MYO5B: variants seen among roughly 807,000 people sequenced by gnomAD.
MYO5B encodes the protein unconventional myosin-Vb.
Under a neutral mutation model 229.3 loss-of-function variants are expected in MYO5B, and 143 were observed. That is an observed-to-expected ratio of 0.62 (90% CI 0.54 to 0.72). The LOEUF (loss-of-function observed/expected upper bound fraction) is 0.72. MYO5B is among the 30% of genes least tolerant of loss of function. The pLI is 0.00. For missense variants in MYO5B, 2,321 were observed against 2,331.0 expected (o/e 1.00, Z 0.09); for synonymous variants, 918 against 885.2 (o/e 1.04, Z -0.66).
intron 1 of MYO5B, among the ~76,000 whole-genome samples, chr18:50,067,005 GT>G (rs2030836844): frequency 6.6e-6 from 1 of 152,160 alleles, no homozygotes; most frequent in African/African-American, 2.4e-5. Context: ...TTCATGTCCA[GT>G]TGAAAACTGT....
chr18:50,121,579 G>A (rs2032058710), intron 1 of MYO5B, among the ~76,000 whole-genome samples: 1 of 149,500 alleles, frequency 6.7e-6, no homozygotes, highest in Admixed American at 6.7e-5. Context: ...TCAATTTACT[G>A]AGAATTAACT....
At chr18:50,032,914 G>C (rs941851439) in intron 4 of MYO5B, among the ~76,000 whole-genome samples, 2 of 152,082 alleles carry the variant, frequency 1.3e-5, no homozygotes, top group South Asian at 4.1e-4. Flanking sequence ...TTGAACGTGG[G>C]AGGTGGAGGT....
intron 22 of MYO5B, among the ~76,000 whole-genome samples, chr18:49,881,490 CAAAG>C (rs1448520980): frequency 2.0e-5 from 3 of 152,098 alleles, no homozygotes; most frequent in Non-Finnish European, 4.4e-5. Context: ...GTAGTCTACT[CAAAG>C]AGGAGTAAGA....
intron 1 of MYO5B, among the ~76,000 whole-genome samples, chr18:50,084,808 T>C (rs1171387877): frequency 1.3e-5 from 2 of 152,120 alleles, no homozygotes; most frequent in Non-Finnish European, 2.9e-5. Flanking sequence ...AAACAAGCAA[T>C]GGGGAAAGGA....
chr18:49,979,233 AAGC>A (rs572658175), intron 9 of MYO5B, among the ~76,000 whole-genome samples: 37 of 152,120 alleles, frequency 2.4e-4, no homozygotes, highest in Non-Finnish European at 1.2e-4. Flanking sequence ...ACAGGTATAT[AAGC>A]AGCAGATGTC....
intron 2 of MYO5B, among the ~76,000 whole-genome samples, chr18:50,048,596 T>G (rs901988764): frequency 1.6e-4 from 25 of 152,226 alleles, no homozygotes; most frequent in African/African-American, 6.0e-4. Flanking sequence ...TCGACAAAAG[T>G]AATCACAGGG....
intron 30 of MYO5B, among the ~76,000 whole-genome samples, chr18:49,855,812 C>A (rs2024255576): frequency 6.6e-6 from 1 of 152,172 alleles, no homozygotes; most frequent in Non-Finnish European, 1.5e-5. Flanking sequence ...GCTCTTGGTG[C>A]AACAGTACCT....
At chr18:49,943,427 T>C (rs2025338605) in intron 14 of MYO5B, among the ~76,000 whole-genome samples, 3 of 152,224 alleles carry the variant, frequency 2.0e-5, no homozygotes, top group Non-Finnish European at 2.9e-5. Flanking sequence ...TCTTTTTAGA[T>C]GGCAAGGTAA....
chr18:49,950,438 T>A (rs2144239172), intron 14 of MYO5B, among the ~76,000 whole-genome samples: 1 of 152,342 alleles, frequency 6.6e-6, no homozygotes, highest in South Asian at 2.1e-4. Flanking sequence ...TCTAAAATTT[T>A]ACCCAACAGA....
At chr18:50,147,683 C>T (rs553139604) in intron 1 of MYO5B, among the ~76,000 whole-genome samples, 2 of 152,284 alleles carry the variant, frequency 1.3e-5, no homozygotes, top group South Asian at 4.1e-4. Flanking sequence ...CAAGACCGTT[C>T]CTGAGCCTGG....
At chr18:50,160,521 G>A (rs758596982) in intron 1 of MYO5B, among the ~76,000 whole-genome samples, 73 of 152,290 alleles carry the variant, frequency 4.8e-4, no homozygotes, top group Non-Finnish European at 9.0e-4. Flanking sequence ...AAGGACTTCA[G>A]AAAAGGACAG....
intron 1 of MYO5B, among the ~76,000 whole-genome samples, chr18:50,073,127 C>G (rs932728081): frequency 5.3e-5 from 8 of 152,178 alleles, no homozygotes; most frequent in Non-Finnish European, 1.0e-4. Flanking sequence ...AGAAAGTATA[C>G]TTATAACGAT....
At chr18:50,149,545 T>A (rs1402116338) in intron 1 of MYO5B, among the ~76,000 whole-genome samples, 1 of 151,428 alleles carries the variant, frequency 6.6e-6, no homozygotes, top group African/African-American at 2.4e-5. Context: ...TCTACAACCA[T>A]CTGATCTTTG....
intron 30 of MYO5B, 90 bp from the exon 31 acceptor site, chr18:49,853,737 C>G: frequency 8.3e-7 from 1 of 1,210,820 alleles, no homozygotes; most frequent in Non-Finnish European, 1.2e-6. Context: ...GGGGAGCAGC[C>G]AAGCACACAG....
chr18:49,901,896 G>A (rs1423915102), intron 21 of MYO5B, among the ~76,000 whole-genome samples: 1 of 152,180 alleles, frequency 6.6e-6, no homozygotes, highest in Admixed American at 6.5e-5. Context: ...TGCCGTAGGA[G>A]GGCCGCTATA....
chr18:50,048,079 T>A (rs77154148), intron 2 of MYO5B, among the ~76,000 whole-genome samples: 25,476 of 57,754 alleles, frequency 0.44, 2,234 homozygotes, highest in South Asian at 0.54. Context: ...CCAAAACCTT[T>A]AAGTATAATA....
intron 12 of MYO5B, among the ~76,000 whole-genome samples, chr18:49,960,643 G>A (rs117190387): frequency 1.3e-5 from 2 of 152,290 alleles, no homozygotes; most frequent in East Asian, 1.9e-4. Context: ...AATTAAACCT[G>A]TTACAAAAAG....
At chr18:50,045,255 C>T (rs1052084392) in intron 2 of MYO5B, among the ~76,000 whole-genome samples, 4 of 152,144 alleles carry the variant, frequency 2.6e-5, no homozygotes, top group Non-Finnish European at 5.9e-5. Flanking sequence ...GGTTTTCTAT[C>T]ACTGTGGGAA....
At chr18:50,028,369 G>A (rs532750308) in intron 4 of MYO5B, among the ~76,000 whole-genome samples, 10 of 152,220 alleles carry the variant, frequency 6.6e-5, no homozygotes, top group African/African-American at 2.4e-4. Flanking sequence ...ACCTCATCAC[G>A]TCACATTCTG....
Sources: allele counts gnomAD v4.1 joint callset (sites outside exome capture counted in the v4.1 genomes callset), GRCh38; gene constraint gnomAD v4.1.1; transcripts MANE v1.5; gene names NCBI Gene and HGNC (gene_info 2026-07-23, HGNC 2026-07-21).